The following COL23A1 variants were observed in gnomAD, a reference collection of about 807,000 sequenced individuals.
COL23A1 encodes collagen type XXIII alpha 1 chain.
Under a neutral mutation model 99.3 loss-of-function variants are expected in COL23A1, and 97 were observed. The ratio of observed to expected loss-of-function variants is 0.98; its 90% confidence interval spans 0.83 to 1.16. The LOEUF is 1.16. Among genes scored for constraint, COL23A1 ranks in the 50% most tolerant of loss-of-function variants. The pLI, the probability that COL23A1 is intolerant of heterozygous loss-of-function variation, is 0.00. For missense variants in COL23A1, 762 were observed against 757.4 expected, an observed-to-expected ratio of 1.01 and a Z score of -0.07; for synonymous variants, 320 against 308.2, an observed-to-expected ratio of 1.04 and a Z score of -0.40.
Position 178,550,925 on chromosome 5 carries a change from T to A in COL23A1, c.361+9757A>T, listed in dbSNP as rs143983522. On this transcript the variant is annotated intron_variant, in intron 2 of 28. Coordinates refer to ENST00000390654, the MANE Select transcript of COL23A1 (RefSeq NM_173465.4). Reference sequence around the variant, plus strand: ...GTAAGTACTGGGTCAGTGGCAAATGTTCTAGAAATCTGTTTTCTAACAGAT... The same window carrying A: ...GTAAGTACTGGGTCAGTGGCAAATGATCTAGAAATCTGTTTTCTAACAGAT... Among the ~76,000 whole-genome samples the A allele has an allele frequency of 7.9e-5, 12 of 152,218 alleles. No individual in the cohort carries two copies. The East Asian group carries it at 2.3e-3, about 29-fold the overall frequency.
Position 178,307,745 on chromosome 5 carries a change from C to T in COL23A1, c.362-826G>A, listed in dbSNP as rs1758441616. On this transcript the variant is annotated intron_variant, in intron 2 of 28. Coordinates refer to ENST00000390654, the MANE Select transcript of COL23A1 (RefSeq NM_173465.4). The surrounding 1 kb of genome is among the most constrained non-coding windows in gnomAD (Gnocchi z 4.2). Reference sequence around the variant, plus strand: ...TCCTTCCTGGCGCCCCTTCTCGCCCCTGTTTCAGTGAAGTTGGGTGCAGGT... The same window carrying T: ...TCCTTCCTGGCGCCCCTTCTCGCCCTTGTTTCAGTGAAGTTGGGTGCAGGT... 2.0e-5 allele frequency among the ~76,000 whole-genome samples: 3 copies of T among 152,104 alleles called. No individual in the cohort carries two copies. The highest frequency in any genetic ancestry group is 2.0e-4 in the Admixed American group (3 of 15,258).
rs1491584838 is a variant in COL23A1 at position 178,358,245 on chromosome 5, T to TATGG, written c.362-51327_362-51326insCCAT. Among the ~76,000 whole-genome samples, 16 of 131,258 alleles carry TATGG rather than the reference T, an allele frequency of 1.2e-4. 1 individual carries two copies. The highest frequency in any genetic ancestry group is 5.0e-4 in the African/African-American group (16 of 31,742). 86.1% of individuals were successfully genotyped at this position (131,258 alleles called of 152,430 possible). A position where few individuals can be genotyped will look rare whatever the true frequency, so the allele number is the denominator to read the frequency against. On this transcript the variant is annotated intron_variant, in intron 2 of 28. Coordinates refer to ENST00000390654, the MANE Select transcript of COL23A1 (RefSeq NM_173465.4). ...TCTAATGTGTGTATGTGTGTATGTGTATGTGTGTGTATGTATATGTGTGTA... is the reference window on the plus strand; with the variant it reads ...TCTAATGTGTGTATGTGTGTATGTGTATGGATGTGTGTGTATGTATATGTGTGTA...
chr5:178,579,390 G>A (rs187250533), intron 1 of COL23A1, among the ~76,000 whole-genome samples: 4 of 152,276 alleles, frequency 2.6e-5, no homozygotes, highest in East Asian at 1.9e-4. Flanking sequence ...CTCATTTACC[G>A]GAGGTCACAC....
rs545625679 is a variant in COL23A1 at position 178,246,562 on chromosome 5, G to A, written c.1297-109C>T. On this transcript the variant is annotated intron_variant, in intron 22 of 28. Transcript: ENST00000390654. ...TGGGATGTGGACAGAGGAACAGATCGAGGCTCCCCCAGGCCTGGCCCCAGC... is the reference window on the plus strand; with the variant it reads ...TGGGATGTGGACAGAGGAACAGATCAAGGCTCCCCCAGGCCTGGCCCCAGC... 1.9e-4 allele frequency: 221 copies of A among 1,148,156 alleles called. No individual in the cohort carries two copies. The African/African-American group carries it at 2.8e-3, about 14-fold the overall frequency. 71.1% of individuals were successfully genotyped at this position (1,148,156 alleles called of 1,614,324 possible). A position where few individuals can be genotyped will look rare whatever the true frequency, so the allele number is the denominator to read the frequency against.
intron 2 of COL23A1, among the ~76,000 whole-genome samples, chr5:178,401,822 T>G (rs558589747): frequency 5.3e-5 from 8 of 152,268 alleles, no homozygotes; most frequent in Admixed American, 5.2e-4. Flanking sequence ...GCCTTTGTCT[T>G]TTTTTCTTTT....
chr5:178,528,313 G>T (rs1208696668), intron 2 of COL23A1, among the ~76,000 whole-genome samples: 1 of 152,194 alleles, frequency 6.6e-6, no homozygotes, highest in Non-Finnish European at 1.5e-5. Context: ...GGAGACCTGT[G>T]GTGGTTTCTG....
chr5:178,305,403 T>C lies in COL23A1; in HGVS notation c.406+1472A>G, dbSNP rs1352408628. Among the ~76,000 whole-genome samples the C allele has an allele frequency of 5.4e-5, 4 of 74,270 alleles. No homozygotes were observed. The East Asian group carries it at 9.2e-4, about 17-fold the overall frequency. The allele number at this position is 74,270 out of a possible 152,430, so 48.7% of individuals were successfully genotyped here. ...GAGAAAACGTGCCACTGCCTCCCCT[T>C]GGGCCCAGTTGGCCCGGGGTCCTCT... On this transcript the variant is annotated intron_variant, in intron 3 of 28. Transcript: ENST00000390654.
At chr5:178,539,052 G>A (rs914849940) in intron 2 of COL23A1, among the ~76,000 whole-genome samples, 5 of 152,212 alleles carry the variant, frequency 3.3e-5, no homozygotes, top group East Asian at 1.9e-4. Context: ...AAATAGATTC[G>A]TGGTTGGCAG....
intron 1 of COL23A1, among the ~76,000 whole-genome samples, chr5:178,570,087 T>A (rs957777386): frequency 1.1e-4 from 17 of 151,496 alleles, no homozygotes; most frequent in African/African-American, 3.4e-4. Flanking sequence ...TGTCAGAGTA[T>A]CACAGTTCAT....
At chr5:178,323,697 C>T (rs1007630267) in intron 2 of COL23A1, among the ~76,000 whole-genome samples, 2 of 152,156 alleles carry the variant, frequency 1.3e-5, no homozygotes, top group Non-Finnish European at 1.5e-5. Context: ...TAGAGCTCTT[C>T]GGAAGACCCT....
At chr5:178,278,173 G>A (rs931476588) in intron 5 of COL23A1, among the ~76,000 whole-genome samples, 1 of 152,220 alleles carries the variant, frequency 6.6e-6, no homozygotes, top group South Asian at 2.1e-4. Flanking sequence ...AGCGTGACCA[G>A]GACAGCTCGC....
intron 2 of COL23A1, among the ~76,000 whole-genome samples, chr5:178,555,443 G>A (rs1762219934): frequency 6.6e-6 from 1 of 152,138 alleles, no homozygotes; most frequent in African/African-American, 2.4e-5. Context: ...ACCTTCCCAA[G>A]CATAGGTCAC....
At chr5:178,501,299 C>A (rs781151402) in intron 2 of COL23A1, among the ~76,000 whole-genome samples, 2 of 152,130 alleles carry the variant, frequency 1.3e-5, no homozygotes, top group African/African-American at 4.8e-5. Flanking sequence ...AAAGCCCCAA[C>A]AGGCCGGGCA....
At chr5:178,521,994 C>T (rs917126569) in intron 2 of COL23A1, among the ~76,000 whole-genome samples, 9 of 152,104 alleles carry the variant, frequency 5.9e-5, no homozygotes, top group Admixed American at 5.9e-4. Context: ...AAATGGCTAG[C>T]ATGGTAATCT....
chr5:178,475,441 G>A (rs1347530585), intron 2 of COL23A1, among the ~76,000 whole-genome samples: 2 of 152,258 alleles, frequency 1.3e-5, no homozygotes, highest in Admixed American at 1.3e-4. Context: ...GAGACCCCGA[G>A]GCAGAGGTGC....
intron 2 of COL23A1, among the ~76,000 whole-genome samples, chr5:178,536,319 C>T (rs528047759): frequency 9.5e-4 from 144 of 152,346 alleles, no homozygotes; most frequent in African/African-American, 2.7e-3. Context: ...GGGGATGGAC[C>T]GGCGTGGAAA....
intron 2 of COL23A1, among the ~76,000 whole-genome samples, chr5:178,414,082 A>G (rs1765180729): frequency 6.6e-6 from 1 of 152,234 alleles, no homozygotes; most frequent in Non-Finnish European, 1.5e-5. Context: ...CCGGTCCTGC[A>G]GTGGGAAGAC....
intron 2 of COL23A1, among the ~76,000 whole-genome samples, chr5:178,545,649 G>A (rs1761540034): frequency 6.6e-6 from 1 of 152,088 alleles, no homozygotes; most frequent in Admixed American, 6.6e-5. Context: ...TGAGCAGAAG[G>A]TCTGCTGAGG....
intron 2 of COL23A1, among the ~76,000 whole-genome samples, chr5:178,447,747 A>G (rs554452688): frequency 3.0e-4 from 46 of 152,310 alleles, no homozygotes; most frequent in African/African-American, 1.1e-3. Flanking sequence ...AGAGAAAAAG[A>G]AGAAAAAGTA....
Sources: gnomAD v4.1 joint callset for allele counts (sites outside exome capture counted in the v4.1 genomes callset) on GRCh38, gnomAD v4.1.1 for gene constraint, Gnocchi (gnomAD v3.1) non-coding constraint, MANE v1.5 for transcripts, NCBI Gene and HGNC (gene_info 2026-07-23, HGNC 2026-07-21) for gene names.